Variants in LIPC observed in about 807,000 individuals in gnomAD.
LIPC encodes the protein hepatic triacylglycerol lipase.
In LIPC, 44 loss-of-function variants were observed where a neutral mutation model predicts 50.7. That is an observed-to-expected ratio of 0.87 (90% CI 0.68 to 1.11). The LOEUF (loss-of-function observed/expected upper bound fraction) is 1.11, where lower values mean the gene tolerates loss of function less well. Ranked by LOEUF, LIPC falls within the 50% of genes most tolerant of loss-of-function variation. LIPC has a pLI of 0.00. For synonymous variants in LIPC, 271 were observed against 256.4 expected, an observed-to-expected ratio of 1.06 and a Z score of -0.54; for missense variants, 697 against 648.2, an observed-to-expected ratio of 1.08 and a Z score of -0.82.
chr15:58,542,688 T>C (rs752145667), intron 4 of LIPC, 37 bp downstream of exon 4: 56 of 1,355,596 alleles, frequency 4.1e-5, no homozygotes, highest in Non-Finnish European at 5.5e-5. Flanking sequence ...TGATCTCCAC[T>C]CCATAGGGGC....
At chr15:58,559,759 G>A (rs1261156773) in intron 6 of LIPC, among the ~76,000 whole-genome samples, 2 of 151,860 alleles carry the variant, frequency 1.3e-5, no homozygotes, top group African/African-American at 4.8e-5. Context: ...TCCTGGTCTG[G>A]AAGCTGGACC....
chr15:58,526,765 A>T (rs1259903030), intron 1 of LIPC, among the ~76,000 whole-genome samples: 3 of 152,218 alleles, frequency 2.0e-5, no homozygotes, highest in Non-Finnish European at 2.9e-5. Flanking sequence ...GGGAAACAAC[A>T]CATTGAATGC....
Position 58,437,754 on chromosome 15 carries a change from A to T in LIPC, c.88+5634A>T, listed in dbSNP as rs140327177. ...ATGTCACCCATGACTAATATTTGAG[A>T]TAGAGTCCGGAGATGAAACTCATTC... On this transcript the variant is annotated intron_variant, in intron 1 of 8. Transcript: ENST00000299022. Among the ~76,000 whole-genome samples the T allele has an allele frequency of 5.3e-5, 8 of 152,290 alleles. No homozygotes were observed. The East Asian group carries it at 1.5e-3, about 29-fold the overall frequency.
At chr15:58,537,176 T>C (rs574392317) in intron 1 of LIPC, among the ~76,000 whole-genome samples, 1 of 152,328 alleles carries the variant, frequency 6.6e-6, no homozygotes, top group Admixed American at 6.5e-5. Context: ...GCGCCCATCT[T>C]GACATGCCAC....
At chr15:58,544,209 GCAGCCTCAGGC>G (rs1893441755) in intron 4 of LIPC, among the ~76,000 whole-genome samples, 1 of 152,076 alleles carries the variant, frequency 6.6e-6, no homozygotes. Flanking sequence ...ACCCAGCGAG[GCAGCCTCAGGC>G]CCAAGGCCCA....
At chr15:58,477,547 A>T (rs989776825) in intron 1 of LIPC, among the ~76,000 whole-genome samples, 3 of 152,202 alleles carry the variant, frequency 2.0e-5, no homozygotes, top group Admixed American at 6.5e-5. Flanking sequence ...TAAAGGGTAC[A>T]AAACAACACA....
At chr15:58,494,653 G>T (rs1170971632) in intron 1 of LIPC, 2 of 421,198 alleles carry the variant, frequency 4.7e-6, no homozygotes, top group South Asian at 1.7e-5. Flanking sequence ...GTATCAATCA[G>T]TGCCAATGTA....
intron 6 of LIPC, among the ~76,000 whole-genome samples, chr15:58,552,605 G>T (rs1224123275): frequency 1.3e-5 from 2 of 152,210 alleles, no homozygotes; most frequent in East Asian, 3.9e-4. Flanking sequence ...ACTTGCTTCT[G>T]CTGCTCGCCG....
At chr15:58,514,832 T>C (rs1422333110) in intron 1 of LIPC, among the ~76,000 whole-genome samples, 1 of 152,178 alleles carries the variant, frequency 6.6e-6, no homozygotes, top group Non-Finnish European at 1.5e-5. Context: ...TCAAAAAAAG[T>C]TAATGCAGAA....
At chr15:58,453,718 T>C (rs916227050) in intron 1 of LIPC, among the ~76,000 whole-genome samples, 5 of 151,782 alleles carry the variant, frequency 3.3e-5, no homozygotes, top group African/African-American at 1.2e-4. Context: ...CTGGGCAATA[T>C]GGTGAAATCC....
At chr15:58,502,870 C>T (rs551515314) in intron 1 of LIPC, among the ~76,000 whole-genome samples, 1 of 149,976 alleles carries the variant, frequency 6.7e-6, no homozygotes, top group Admixed American at 6.7e-5. Context: ...ATGAAGAGGA[C>T]ATGGTTATCA....
chr15:58,456,035 T>G (rs530173452), intron 1 of LIPC, among the ~76,000 whole-genome samples: 2 of 151,986 alleles, frequency 1.3e-5, no homozygotes, highest in Non-Finnish European at 2.9e-5. Context: ...CAAGGTGGTC[T>G]GAGAAGGCTT....
At chr15:58,536,464 G>A (rs1229081235) in intron 1 of LIPC, among the ~76,000 whole-genome samples, 1 of 152,172 alleles carries the variant, frequency 6.6e-6, no homozygotes, top group Non-Finnish European at 1.5e-5. Context: ...CAGTTAGGAG[G>A]CTGCTGTAAT....
At chr15:58,437,411 C>T (rs1348469936) in intron 1 of LIPC, among the ~76,000 whole-genome samples, 1 of 151,980 alleles carries the variant, frequency 6.6e-6, no homozygotes, top group Non-Finnish European at 1.5e-5. Context: ...ACTAAATAAT[C>T]TACATGTTGA....
At chr15:58,565,102 C>A in intron 8 of LIPC, 2 of 1,214,336 alleles carry the variant, frequency 1.6e-6, no homozygotes, top group South Asian at 1.4e-5. Flanking sequence ...TTTATACAAC[C>A]GCACTCTGAG....
intron 5 of LIPC, 66 bp downstream of exon 5, chr15:58,546,041 G>T: frequency 1.0e-5 from 14 of 1,334,798 alleles, no homozygotes; most frequent in Non-Finnish European, 1.5e-5. Context: ...GAATTCAGCG[G>T]AATCTACCAA....
At chr15:58,508,509 C>T (rs1423458706) in intron 1 of LIPC, among the ~76,000 whole-genome samples, 4 of 152,266 alleles carry the variant, frequency 2.6e-5, no homozygotes, top group African/African-American at 7.2e-5. Context: ...AAATACGAAA[C>T]GCCTTTCCTA....
chr15:58,568,779 C>G lies in LIPC; in HGVS notation c.1452C>G (p.Phe484Leu), dbSNP rs368480899. 7 of 1,611,190 alleles carry G rather than the reference C, an allele frequency of 4.3e-6. No homozygotes were observed. The highest frequency in any genetic ancestry group is 5.9e-6 in the Non-Finnish European group (7 of 1,177,998). ...TTCGCCCAACCCAGGAAAAAATCTT[C>G]GTGAAATGTGAAATAAAGTCTAAAA... ...LLLRPTQEKI[F>L]VKCEIKSKTS... Residue 484 changes from phenylalanine (F) to leucine (L), a missense_variant, in exon 9 of 9, where the codon TTC becomes TTG. Transcript: ENST00000299022.
chr15:58,505,813 T>C (rs1374495675), intron 1 of LIPC, among the ~76,000 whole-genome samples: 3 of 152,152 alleles, frequency 2.0e-5, no homozygotes, highest in African/African-American at 7.2e-5. Flanking sequence ...CCAAAAACCA[T>C]CACCTCTATC....
Sources: gnomAD v4.1 joint callset for allele counts (sites outside exome capture counted in the v4.1 genomes callset) on GRCh38, gnomAD v4.1.1 for gene constraint, MANE v1.5 for transcripts, NCBI Gene and HGNC (gene_info 2026-07-23, HGNC 2026-07-21) for gene names.